Variants in NBL1 observed in about 807,000 individuals in gnomAD.
NBL1 encodes the protein NBL1, DAN family BMP antagonist, also known as neuroblastoma suppressor of tumorigenicity 1.
Under a neutral mutation model 16.0 loss-of-function variants are expected in NBL1, and 9 were observed. The observed-to-expected ratio is 0.56, with a 90% CI of 0.34 to 0.98. The LOEUF is 0.98. NBL1 is among the 50% of genes least tolerant of loss of function. NBL1 has a pLI of 0.02. For missense variants in NBL1, 196 were observed against 243.1 expected (o/e 0.81, Z 1.29); for synonymous variants, 86 against 100.7 (o/e 0.85, Z 0.87).
At chr1:19,646,448 G>T (rs562791082) in intron 1 of NBL1, among the ~76,000 whole-genome samples, 2 of 152,342 alleles carry the variant, frequency 1.3e-5, no homozygotes, top group East Asian at 3.9e-4. Flanking sequence ...CCCAGAGTGA[G>T]CCCAGGAAAC....
chr1:19,651,553 G>T (rs1181578577), intron 1 of NBL1, among the ~76,000 whole-genome samples: 1 of 152,142 alleles, frequency 6.6e-6, no homozygotes, highest in African/African-American at 2.4e-5. Flanking sequence ...CTCAACCCCA[G>T]TCTCAACACT....
At position 19,657,251 on chromosome 1, in the gene NBL1, G is replaced by A. The variant is rs1446271707; in HGVS notation, c.*122G>A. On this transcript the variant is annotated 3_prime_UTR_variant, in exon 4 of 4. Transcript: ENST00000375136. ...ACTGGATGGACTTGGCTTCAGACTC[G>A]GACTTGAATGCTGCCCGGTTGCCAT... is the stretch of plus-strand genomic sequence containing the variant. The A allele has an allele frequency of 7.0e-6, 4 of 568,704 alleles. No homozygotes were observed. Among genetic ancestry groups the A allele is most frequent in the African/African-American group, 5.6e-5 (3 of 53,558 alleles). The allele number at this position is 568,704 out of a possible 1,614,324, so 35.2% of individuals were successfully genotyped here.
intron 3 of NBL1, among the ~76,000 whole-genome samples, chr1:19,655,831 A>G (rs1256558141): frequency 6.6e-6 from 1 of 152,032 alleles, no homozygotes; most frequent in Admixed American, 6.6e-5. Flanking sequence ...TAACACAGCC[A>G]CCTTCTTTCA....
At chr1:19,653,675 A>G (rs896045060) in intron 1 of NBL1, among the ~76,000 whole-genome samples, 3 of 152,236 alleles carry the variant, frequency 2.0e-5, no homozygotes, top group African/African-American at 7.2e-5. Context: ...CCGGTCACCC[A>G]GCACACGTGG....
At chr1:19,645,988 A>T in intron 1 of NBL1, 1 of 1,550,358 alleles carries the variant, frequency 6.5e-7, no homozygotes, top group Non-Finnish European at 8.7e-7. Flanking sequence ...ATTAGCATGG[A>T]TTTGTTTTGG....
At chr1:19,648,382 G>A (rs1207811008) in intron 1 of NBL1, among the ~76,000 whole-genome samples, 1 of 152,188 alleles carries the variant, frequency 6.6e-6, no homozygotes. Context: ...GAGTCCCGTG[G>A]GGAGCACATT....
rs778071969 is a variant in NBL1 at position 19,655,326 on chromosome 1, C to T, written c.173C>T (p.Ala58Val). ...CATGGTGACCTCTCCTCCCACAGGG[C>T]GTGCCTAGGACAGTGCTTCAGCTAC... Reference protein sequence around the residue: ...GCEAKSIQNRACLGQCFSYSV... With the variant: ...GCEAKSIQNRVCLGQCFSYSV... The change falls in exon 3 of 4, where the codon GCG (alanine) becomes GTG (valine). Residue 58 changes from alanine to valine, a missense_variant and splice_region_variant. Coordinates refer to ENST00000375136, the MANE Select transcript of NBL1 (RefSeq NM_005380.8). 13 of 1,613,846 alleles carry T rather than the reference C, an allele frequency of 8.1e-6. No homozygotes were observed. Among genetic ancestry groups the T allele is most frequent in the South Asian group, 3.3e-5 (3 of 91,080 alleles).
At position 19,644,481 on chromosome 1, in the gene NBL1, G is replaced by T; in HGVS notation, c.-20+35G>T. ...GCCCGGGTCGGCACGCGGGCGCCCG[G>T]CTTCCAGAGGCTTCGGCCGCGGGGG... On this transcript the variant is annotated intron_variant, in intron 1 of 3. Transcript: ENST00000375136. The surrounding 1 kb of genome is among the most constrained non-coding windows in gnomAD (Gnocchi z 4.6). 1.0e-6 allele frequency: 1 copy of T among 973,480 alleles called. No individual in the cohort carries two copies. The highest frequency in any genetic ancestry group is 1.2e-6 in the Non-Finnish European group (1 of 821,930). 60.3% of individuals were successfully genotyped at this position (973,480 alleles called of 1,614,324 possible).
intron 1 of NBL1, among the ~76,000 whole-genome samples, chr1:19,653,406 C>T (rs1008065831): frequency 1.3e-5 from 2 of 152,078 alleles, no homozygotes; most frequent in Non-Finnish European, 2.9e-5. Context: ...TTCTGTGGGG[C>T]CACTGGGACC....
intron 1 of NBL1, chr1:19,645,402 C>T: frequency 1.0e-6 from 1 of 986,730 alleles, no homozygotes; most frequent in Non-Finnish European, 1.2e-6. Flanking sequence ...GGGGCAGCCG[C>T]CTGCCTTGGC....
At chr1:19,643,833 C>T (rs1267192612), upstream of NBL1, 22 of 990,318 alleles carry the variant, frequency 2.2e-5, no homozygotes, top group Non-Finnish European at 2.4e-5. The surrounding 1 kb of genome is among the most constrained non-coding windows in gnomAD (Gnocchi z 4.7). Context: ...CTCCTGGTGC[C>T]GGGACGCGGC....
chr1:19,644,141 C>A, upstream of NBL1: 1 of 978,856 alleles, frequency 1.0e-6, no homozygotes, highest in Non-Finnish European at 1.2e-6. This position sits in a 1 kb window ranked among gnomAD's most constrained non-coding sequence, Gnocchi z 4.6. Context: ...GGGCCCGGGG[C>A]CCCTGCCGCC....
At chr1:19,656,236 A>G (rs2095055599) in intron 3 of NBL1, among the ~76,000 whole-genome samples, 1 of 151,776 alleles carries the variant, frequency 6.6e-6, no homozygotes, top group Admixed American at 6.6e-5. Context: ...AGAAGGAAAA[A>G]AGGTACTTAG....
chr1:19,646,108 G>A, intron 1 of NBL1: 3 of 1,505,236 alleles, frequency 2.0e-6, no homozygotes, highest in South Asian at 2.4e-5. Context: ...GCAGGCCTGG[G>A]TGGCACGGGG....
At chr1:19,652,086 A>G (rs1483812503) in intron 1 of NBL1, among the ~76,000 whole-genome samples, 1 of 151,914 alleles carries the variant, frequency 6.6e-6, no homozygotes, top group East Asian at 1.9e-4. Context: ...CCAAATCCAC[A>G]TCACTTTCTG....
chr1:19,644,319 C>CGCGCA lies in NBL1; in HGVS notation c.-139_-135dup. The stretch of plus-strand genomic sequence containing the variant: ...CGCGCCCGCCCGGGGCCGCAGACAG[C>CGCGCA]GCGCAGCGCAGCCCAGCCGAGCGTC... On this transcript the variant is annotated 5_prime_UTR_variant, in exon 1 of 4. Transcript: ENST00000375136. This position sits in a 1 kb window ranked among gnomAD's most constrained non-coding sequence, Gnocchi z 4.6. The CGCGCA allele has an allele frequency of 3.1e-6, 3 of 979,620 alleles. No homozygotes were observed. Among genetic ancestry groups the CGCGCA allele is most frequent in the Non-Finnish European group, 3.6e-6 (3 of 827,714 alleles). 60.7% of individuals were successfully genotyped at this position (979,620 alleles called of 1,614,324 possible). A position where few individuals can be genotyped will look rare whatever the true frequency, so the allele number is the denominator to read the frequency against.
Position 19,655,147 on chromosome 1 carries a change from C to T in NBL1, c.117C>T (p.Asn39=). 6.2e-7 allele frequency: 1 copy of T among 1,611,216 alleles called. No homozygotes were observed. The highest frequency in any genetic ancestry group is 8.5e-7 in the Non-Finnish European group (1 of 1,178,870). ...AGAGTGCCTGGTGCGAAGCCAAGAA[C>T]ATCACCCAGATCGTGGGCCACAGCG... ...PDKSAWCEAK[N]ITQIVGHSGC... is the part of the protein sequence containing the mutation. Residue 39 remains asparagine (N), a synonymous_variant, in exon 2 of 4, where the codon AAC becomes AAT. Transcript: ENST00000375136.
At position 19,657,190 on chromosome 1, in the gene NBL1, G is replaced by C. The variant is rs901612149; in HGVS notation, c.*61G>C. On this transcript the variant is annotated 3_prime_UTR_variant, in exon 4 of 4. Transcript: ENST00000375136. ...GTGGAATGTTGGGTCTCACTCTCTG[G>C]GGAAGTCAGGGGAGAAGCTGAAGCC... The C allele has an allele frequency of 1.3e-6, 1 of 742,616 alleles. No individual in the cohort carries two copies. Among genetic ancestry groups the C allele is most frequent in the African/African-American group, 1.8e-5 (1 of 56,544 alleles). 46.0% of individuals were successfully genotyped at this position (742,616 alleles called of 1,614,324 possible).
intron 1 of NBL1, among the ~76,000 whole-genome samples, chr1:19,653,041 ACTTTGGGAGG>A (rs2095035913): frequency 6.6e-6 from 1 of 151,106 alleles, no homozygotes. Flanking sequence ...TAATCCCAGC[ACTTTGGGAGG>A]CTGAGGCGGG....
Sources: gnomAD v4.1 joint callset for allele counts (sites outside exome capture counted in the v4.1 genomes callset) on GRCh38, gnomAD v4.1.1 for gene constraint, Gnocchi (gnomAD v3.1) non-coding constraint, MANE v1.5 for transcripts, NCBI Gene and HGNC (gene_info 2026-07-23, HGNC 2026-07-21) for gene names.